The following OPCML variants were observed in gnomAD, a reference collection of about 807,000 sequenced individuals.
OPCML encodes opioid binding protein/cell adhesion molecule like.
OPCML carries 13 observed loss-of-function variants against 37.8 expected under a neutral mutation model. The ratio of observed to expected loss-of-function variants is 0.34; its 90% CI spans 0.22 to 0.55. The LOEUF (loss-of-function observed/expected upper bound fraction) is 0.55, where lower values mean the gene tolerates loss of function less well. Among genes scored for constraint, OPCML ranks in the 20% least tolerant of loss-of-function variants. The pLI is 0.91. For missense variants in OPCML, 341 were observed against 435.6 expected, an observed-to-expected ratio of 0.78 and a Z score of 1.93; for synonymous variants, 176 against 168.8, an observed-to-expected ratio of 1.04 and a Z score of -0.33.
chr11:133,204,045 C>A (rs575720295), intron 1 of OPCML, among the ~76,000 whole-genome samples: 13 of 99,818 alleles, frequency 1.3e-4, no homozygotes, highest in Admixed American at 1.7e-4. Flanking sequence ...GGGGACAGAG[C>A]GAGACTCTGT....
chr11:133,371,739 T>A (rs1388535331), intron 1 of OPCML, among the ~76,000 whole-genome samples: 2 of 152,234 alleles, frequency 1.3e-5, no homozygotes, highest in East Asian at 3.8e-4. Flanking sequence ...TTACCCAGTA[T>A]CAGGTATTCT....
chr11:132,852,093 G>A (rs929086448), intron 2 of OPCML, among the ~76,000 whole-genome samples: 7 of 152,240 alleles, frequency 4.6e-5, no homozygotes, highest in African/African-American at 1.4e-4. Flanking sequence ...CACCAGAGAC[G>A]GGCAGTCGAG....
chr11:133,408,151 C>CAA (rs141489273), intron 1 of OPCML, among the ~76,000 whole-genome samples: 1 of 148,898 alleles, frequency 6.7e-6, no homozygotes, highest in Non-Finnish European at 1.5e-5. Context: ...TTGCTGGTCA[C>CAA]AAAAAAAAAA....
At chr11:132,580,401 G>C (rs922205715) in intron 3 of OPCML, among the ~76,000 whole-genome samples, 4 of 152,202 alleles carry the variant, frequency 2.6e-5, no homozygotes, top group Admixed American at 2.0e-4. Flanking sequence ...TGTCAGAATA[G>C]ATGTAAAATC....
At chr11:133,029,491 T>C (rs1947625958) in intron 1 of OPCML, among the ~76,000 whole-genome samples, 1 of 152,094 alleles carries the variant, frequency 6.6e-6, no homozygotes, top group Non-Finnish European at 1.5e-5. Flanking sequence ...AATGGTGAAT[T>C]GGATAAAGAA....
intron 1 of OPCML, among the ~76,000 whole-genome samples, chr11:133,445,990 G>T (rs193109723): frequency 6.6e-6 from 1 of 152,082 alleles, no homozygotes; most frequent in Admixed American, 6.5e-5. Flanking sequence ...TCTAAAAGGG[G>T]GTCAAAAATA....
chr11:132,517,981 G>T (rs1266380458), intron 4 of OPCML, among the ~76,000 whole-genome samples: 1 of 152,022 alleles, frequency 6.6e-6, no homozygotes, highest in Non-Finnish European at 1.5e-5. Flanking sequence ...TCCAGACAAT[G>T]AACATCTTAC....
intron 3 of OPCML, among the ~76,000 whole-genome samples, chr11:132,583,349 A>G (rs2096466071): frequency 6.6e-6 from 1 of 152,084 alleles, no homozygotes; most frequent in Admixed American, 6.6e-5. Flanking sequence ...GCCAGACTGG[A>G]GTGCAGTGGT....
intron 1 of OPCML, among the ~76,000 whole-genome samples, chr11:133,331,589 C>G (rs1471190227): frequency 6.6e-6 from 1 of 152,144 alleles, no homozygotes; most frequent in Non-Finnish European, 1.5e-5. Flanking sequence ...TGGGTTTAGC[C>G]TTGTCTCTTA....
intron 1 of OPCML, among the ~76,000 whole-genome samples, chr11:133,374,887 C>T (rs376717210): frequency 5.3e-5 from 8 of 152,210 alleles, no homozygotes; most frequent in Non-Finnish European, 1.0e-4. Flanking sequence ...ATTGGGTCGG[C>T]GGCAGCTGAG....
At chr11:132,600,731 AG>A (rs1403941953) in intron 3 of OPCML, among the ~76,000 whole-genome samples, 2 of 152,154 alleles carry the variant, frequency 1.3e-5, no homozygotes, top group Admixed American at 1.3e-4. Flanking sequence ...TTATTATAAC[AG>A]GTAAATTTCT....
At chr11:133,393,078 G>C (rs1404394874) in intron 1 of OPCML, among the ~76,000 whole-genome samples, 5 of 149,746 alleles carry the variant, frequency 3.3e-5, no homozygotes, top group Non-Finnish European at 5.9e-5. Context: ...TGATTTCACG[G>C]TTTAAAACAG....
chr11:133,217,447 C>T (rs1053379124), intron 1 of OPCML, among the ~76,000 whole-genome samples: 2 of 152,198 alleles, frequency 1.3e-5, no homozygotes, highest in Non-Finnish European at 2.9e-5. Flanking sequence ...AATGAAAGCA[C>T]AGTGGGGCAC....
At chr11:133,120,355 G>A (rs115939007) in intron 1 of OPCML, among the ~76,000 whole-genome samples, 2,218 of 152,246 alleles carry the variant, frequency 0.015, 48 homozygotes, top group African/African-American at 0.052. Flanking sequence ...AGCTAAAATG[G>A]GCAAGGCCAT....
At chr11:133,439,757 G>A (rs559792931) in intron 1 of OPCML, among the ~76,000 whole-genome samples, 16 of 152,082 alleles carry the variant, frequency 1.1e-4, no homozygotes, top group African/African-American at 3.1e-4. Context: ...GTGAGCCACC[G>A]AGCCCGGCCC....
intron 2 of OPCML, among the ~76,000 whole-genome samples, chr11:132,807,652 A>G (rs1402277006): frequency 6.6e-6 from 1 of 152,194 alleles, no homozygotes; most frequent in Non-Finnish European, 1.5e-5. Flanking sequence ...ATCTTTGTGT[A>G]GCCAGCCAGA....
At chr11:132,550,293 C>T (rs943971245) in intron 3 of OPCML, among the ~76,000 whole-genome samples, 16 of 152,270 alleles carry the variant, frequency 1.1e-4, no homozygotes, top group Admixed American at 3.9e-4. Flanking sequence ...GAGGTGGGGC[C>T]TGGTGGGCGG....
chr11:133,107,319 C>G (rs777408064), intron 1 of OPCML, among the ~76,000 whole-genome samples: 142 of 152,332 alleles, frequency 9.3e-4, no homozygotes, highest in Non-Finnish European at 1.7e-3. Flanking sequence ...AGCTGCTGCA[C>G]TCTGATAACG....
chr11:133,139,777 G>A (rs993229609), intron 1 of OPCML, among the ~76,000 whole-genome samples: 10 of 152,042 alleles, frequency 6.6e-5, no homozygotes, highest in African/African-American at 1.7e-4. Context: ...CTTCCCATTC[G>A]GATCAGTCAT....
Sources: gnomAD v4.1 joint callset for allele counts (sites outside exome capture counted in the v4.1 genomes callset) on GRCh38, gnomAD v4.1.1 for gene constraint, MANE v1.5 for transcripts, NCBI Gene and HGNC (gene_info 2026-07-23, HGNC 2026-07-21) for gene names.